Variants in GPC6 observed in about 807,000 individuals in gnomAD.
GPC6 encodes glypican-6.
GPC6 carries 14 observed loss-of-function variants against 55.2 expected under a neutral mutation model. The observed-to-expected ratio is 0.25, with a 90% CI of 0.17 to 0.40. GPC6 has a LOEUF of 0.40. Among genes scored for constraint, GPC6 ranks in the 10% least tolerant of loss-of-function variants. The pLI, the probability that GPC6 is intolerant of heterozygous loss-of-function variation, is 1.00. For synonymous variants in GPC6, 278 were observed against 259.6 expected, an observed-to-expected ratio of 1.07 and a Z score of -0.68; for missense variants, 641 against 708.5, an observed-to-expected ratio of 0.90 and a Z score of 1.08.
intron 1 of GPC6, among the ~76,000 whole-genome samples, chr13:93,332,715 A>G (rs1257760651): frequency 1.3e-5 from 2 of 152,050 alleles, no homozygotes; most frequent in African/African-American, 4.8e-5. Flanking sequence ...TTTTAGCTTG[A>G]TATAATTCCA....
At chr13:93,450,924 G>T (rs1227085675) in intron 1 of GPC6, among the ~76,000 whole-genome samples, 1 of 152,194 alleles carries the variant, frequency 6.6e-6, no homozygotes, top group Non-Finnish European at 1.5e-5. Context: ...ATGGACTGGA[G>T]TCCAGTAAGC....
At chr13:93,547,564 G>A (rs1474952664) in intron 2 of GPC6, among the ~76,000 whole-genome samples, 1 of 152,168 alleles carries the variant, frequency 6.6e-6, no homozygotes, top group Non-Finnish European at 1.5e-5. Flanking sequence ...CTAAGGGTAT[G>A]ATGTCAATCA....
At chr13:93,807,637 A>C (rs1255196590) in intron 2 of GPC6, among the ~76,000 whole-genome samples, 2 of 152,182 alleles carry the variant, frequency 1.3e-5, no homozygotes, top group Non-Finnish European at 2.9e-5. Context: ...CACTGGTCTA[A>C]CAGAGGCCAA....
intron 4 of GPC6, among the ~76,000 whole-genome samples, chr13:94,195,574 C>T (rs1433742163): frequency 6.6e-6 from 1 of 152,218 alleles, no homozygotes; most frequent in Non-Finnish European, 1.5e-5. Flanking sequence ...AAATCCTCTG[C>T]TTCCTCATTC....
chr13:93,403,034 G>T (rs551264822), intron 1 of GPC6, among the ~76,000 whole-genome samples: 1 of 152,084 alleles, frequency 6.6e-6, no homozygotes, highest in Non-Finnish European at 1.5e-5. Flanking sequence ...CTTAAGAGTT[G>T]ATTGAAACCT....
At chr13:93,623,750 G>A (rs1027630457) in intron 2 of GPC6, among the ~76,000 whole-genome samples, 9 of 152,118 alleles carry the variant, frequency 5.9e-5, no homozygotes, top group African/African-American at 1.7e-4. Context: ...GGGCCACCGC[G>A]CCTGGCCTCT....
chr13:93,334,428 G>A (rs1305649538), intron 1 of GPC6, among the ~76,000 whole-genome samples: 5 of 151,980 alleles, frequency 3.3e-5, no homozygotes, highest in African/African-American at 9.7e-5. Flanking sequence ...ATAATAATTT[G>A]GGGGAGAATC....
intron 1 of GPC6, among the ~76,000 whole-genome samples, chr13:93,228,632 A>C (rs984140038): frequency 5.3e-5 from 8 of 152,106 alleles, no homozygotes; most frequent in African/African-American, 1.9e-4. Context: ...TCGGGGAGAG[A>C]TAATCCTTTG....
intron 1 of GPC6, among the ~76,000 whole-genome samples, chr13:93,476,655 CAT>C: frequency 6.6e-6 from 1 of 152,278 alleles, no homozygotes; most frequent in Admixed American, 6.5e-5. Flanking sequence ...AAATAGCTAA[CAT>C]GTAAAAAGTA....
intron 3 of GPC6, among the ~76,000 whole-genome samples, chr13:93,834,267 A>G (rs1887649819): frequency 6.6e-6 from 1 of 152,194 alleles, no homozygotes; most frequent in African/African-American, 2.4e-5. Flanking sequence ...ATCTCTTCAC[A>G]TCATGAAATT....
chr13:93,335,217 A>T (rs142658296), intron 1 of GPC6, among the ~76,000 whole-genome samples: 2 of 152,230 alleles, frequency 1.3e-5, no homozygotes, highest in Non-Finnish European at 2.9e-5. Context: ...TGCCGTAAAA[A>T]TACCTGTTAC....
At chr13:94,037,133 A>G (rs1348033327) in intron 4 of GPC6, among the ~76,000 whole-genome samples, 1 of 152,010 alleles carries the variant, frequency 6.6e-6, no homozygotes, top group Non-Finnish European at 1.5e-5. Context: ...CAATTATTAC[A>G]GAGCACTTGG....
chr13:94,201,649 C>T (rs1566536966), intron 4 of GPC6, among the ~76,000 whole-genome samples: 1 of 152,064 alleles, frequency 6.6e-6, no homozygotes. Context: ...ATAAAATCAT[C>T]ATTAAGATGT....
chr13:94,258,690 A>G (rs1891570572), intron 4 of GPC6, among the ~76,000 whole-genome samples: 1 of 152,220 alleles, frequency 6.6e-6, no homozygotes, highest in Non-Finnish European at 1.5e-5. Context: ...TTAGAGGCAC[A>G]ACACTGAACT....
At chr13:94,038,640 C>T (rs149763770) in intron 4 of GPC6, among the ~76,000 whole-genome samples, 1 of 151,968 alleles carries the variant, frequency 6.6e-6, no homozygotes, top group East Asian at 1.9e-4. Flanking sequence ...ATAGTACGTA[C>T]CTCTTAGCAT....
chr13:93,602,201 T>C (rs1218246308), intron 2 of GPC6, among the ~76,000 whole-genome samples: 1 of 152,184 alleles, frequency 6.6e-6, no homozygotes, highest in Non-Finnish European at 1.5e-5. Flanking sequence ...TCTAAACTAA[T>C]GGTTTCGAGC....
chr13:93,231,340 T>G (rs757272008), intron 1 of GPC6, among the ~76,000 whole-genome samples: 1,297 of 42,566 alleles, frequency 0.03, 42 homozygotes, highest in African/African-American at 0.1. Context: ...CGTATATATA[T>G]ATATACATAT....
At chr13:94,309,422 C>T (rs2139115825) in intron 6 of GPC6, among the ~76,000 whole-genome samples, 1 of 151,890 alleles carries the variant, frequency 6.6e-6, no homozygotes, top group East Asian at 1.9e-4. Flanking sequence ...ACTACCAACC[C>T]CAAGCTGAGT....
At chr13:93,340,059 G>A (rs1189949496) in intron 1 of GPC6, among the ~76,000 whole-genome samples, 15 of 112,626 alleles carry the variant, frequency 1.3e-4, no homozygotes, top group Non-Finnish European at 1.8e-4. Context: ...TTTTTGAGAC[G>A]GAGTCTTGCT....
Sources: allele counts gnomAD v4.1 joint callset (sites outside exome capture counted in the v4.1 genomes callset), GRCh38; gene constraint gnomAD v4.1.1; transcripts MANE v1.5; gene names NCBI Gene and HGNC (gene_info 2026-07-23, HGNC 2026-07-21).